RGMA: variants seen among roughly 807,000 people sequenced by gnomAD.
The protein encoded by RGMA is repulsive guidance molecule A.
RGMA carries 10 observed loss-of-function variants against 23.2 expected under a neutral mutation model. The ratio of observed to expected loss-of-function variants is 0.43; its 90% CI spans 0.27 to 0.73. The LOEUF (loss-of-function observed/expected upper bound fraction) is 0.73, where lower values mean the gene tolerates loss of function less well. Ranked by LOEUF, RGMA falls within the 30% of genes least tolerant of loss-of-function variation. The pLI is 0.20. For missense variants in RGMA, 547 were observed against 630.5 expected, an observed-to-expected ratio of 0.87 and a Z score of 1.42; for synonymous variants, 308 against 279.3, an observed-to-expected ratio of 1.10 and a Z score of -1.03.
At chr15:93,061,738 A>G (rs1894973046) in intron 2 of RGMA, among the ~76,000 whole-genome samples, 1 of 152,266 alleles carries the variant, frequency 6.6e-6, no homozygotes. Flanking sequence ...CAACGCTGGC[A>G]GGATGAAAAT....
At chr15:93,088,236 C>T in intron 1 of RGMA, 1 of 915,436 alleles carries the variant, frequency 1.1e-6, no homozygotes, top group Non-Finnish European at 1.3e-6. Context: ...CCCCCACACC[C>T]GCCCTCCCAT....
Position 93,045,606 on chromosome 15 carries a change from T to C in RGMA, c.745A>G (p.Asn249Asp), listed in dbSNP as rs745670589. The C allele has an allele frequency of 1.2e-6, 2 of 1,613,234 alleles. No homozygotes were observed. The highest frequency in any genetic ancestry group is 1.7e-6 in the Non-Finnish European group (2 of 1,179,868). ...LPAAFVDGSK[N>D]GGDKHGANSL... is the part of the protein sequence containing the mutation. ...TTGGCCCCGTGCTTGTCCCCACCGT[T>C]CTTAGAGCCATCCACGAAGGCGGCC... Residue 249 changes from asparagine to aspartate, a missense_variant, in exon 4 of 4, where the codon AAC becomes GAC. By Grantham distance (23) the Asn-to-Asp change is conservative. Around this residue, in one of 3 missense-constraint regions of RGMA, gnomAD observed 128 missense variants for 191.7 expected, o/e 0.67. Coordinates refer to ENST00000329082, the MANE Select transcript of RGMA (RefSeq NM_020211.3). The surrounding 1 kb of genome is among the most constrained non-coding windows in gnomAD (Gnocchi z 6.9).
chr15:93,066,749 G>T, intron 2 of RGMA: 2 of 327,182 alleles, frequency 6.1e-6, no homozygotes, highest in Non-Finnish European at 1.2e-5. Flanking sequence ...CTGACCTCAA[G>T]TGATCCACCC....
chr15:93,063,236 A>C (rs575286499), intron 2 of RGMA, among the ~76,000 whole-genome samples: 138 of 152,346 alleles, frequency 9.1e-4, no homozygotes, highest in African/African-American at 3.1e-3. Flanking sequence ...CTGTCCACCT[A>C]GCCTGAGCGG....
At chr15:93,066,143 C>T (rs1372448297) in intron 2 of RGMA, 17 of 1,354,262 alleles carry the variant, frequency 1.3e-5, no homozygotes, top group South Asian at 5.9e-5. Context: ...GGCACCTCCC[C>T]GGGCCCAGTT....
chr15:93,073,689 T>G, intron 1 of RGMA: 1 of 1,537,210 alleles, frequency 6.5e-7, no homozygotes, highest in Non-Finnish European at 8.7e-7. Context: ...CTGGGCAGGA[T>G]GGCTCTCTGC....
intron 2 of RGMA, among the ~76,000 whole-genome samples, chr15:93,071,690 C>T (rs905070071): frequency 2.6e-5 from 4 of 152,240 alleles, no homozygotes; most frequent in Non-Finnish European, 5.9e-5. Context: ...AACTCACAGC[C>T]AGGCCGAGCC....
At chr15:93,075,756 T>C (rs561820421) in intron 1 of RGMA, among the ~76,000 whole-genome samples, 2 of 152,224 alleles carry the variant, frequency 1.3e-5, no homozygotes, top group South Asian at 4.1e-4. Context: ...CTGGCTGCCT[T>C]TTTAGGAGGA....
At chr15:93,056,096 C>T (rs2055008569) in intron 2 of RGMA, among the ~76,000 whole-genome samples, 1 of 152,208 alleles carries the variant, frequency 6.6e-6, no homozygotes, top group South Asian at 2.1e-4. Context: ...AGGGGTTCTG[C>T]AATTCTACCA....
chr15:93,057,080 G>A (rs374789820), intron 2 of RGMA, among the ~76,000 whole-genome samples: 1 of 152,140 alleles, frequency 6.6e-6, no homozygotes, highest in African/African-American at 2.4e-5. Flanking sequence ...CTCTCAGGGC[G>A]CAGTGGATTC....
At chr15:93,069,389 C>T (rs1360921544) in intron 2 of RGMA, among the ~76,000 whole-genome samples, 2 of 152,184 alleles carry the variant, frequency 1.3e-5, no homozygotes, top group East Asian at 3.9e-4. Context: ...GGGTTACGGG[C>T]GTGAGCCACC....
Position 93,044,282 on chromosome 15 carries a change from G to C in RGMA, c.*716C>G, listed in dbSNP as rs1169235148. The C allele has an allele frequency of 1.3e-5, 2 of 152,590 alleles. No homozygotes were observed. The highest frequency in any genetic ancestry group is 6.5e-5 in the Admixed American group (1 of 15,296). The allele number at this position is 152,590 out of a possible 1,614,324, so 9.5% of individuals were successfully genotyped here. On this transcript the variant is annotated 3_prime_UTR_variant, in exon 4 of 4. Transcript: ENST00000329082. Reference sequence around the variant, plus strand: ...CAAGCACTTCGACTTTCTAAGCACAGGGTGGAAGGGGCAGGGGCCCAGGCC... The same window carrying C: ...CAAGCACTTCGACTTTCTAAGCACACGGTGGAAGGGGCAGGGGCCCAGGCC...
At chr15:93,073,706 GCTA>G in intron 1 of RGMA, 1 of 1,537,226 alleles carries the variant, frequency 6.5e-7, no homozygotes, top group Non-Finnish European at 8.7e-7. Flanking sequence ...CTGCATCTCA[GCTA>G]CTAACGCACC....
At chr15:93,085,206 T>A (rs1190794640) in intron 1 of RGMA, among the ~76,000 whole-genome samples, 1 of 151,940 alleles carries the variant, frequency 6.6e-6, no homozygotes, top group Non-Finnish European at 1.5e-5. Context: ...ACCCTGATCT[T>A]AAGAGTCCAT....
chr15:93,079,861 G>A (rs1473459796), intron 1 of RGMA, among the ~76,000 whole-genome samples: 3 of 152,122 alleles, frequency 2.0e-5, no homozygotes, highest in Non-Finnish European at 4.4e-5. Flanking sequence ...CTCCCCTTGT[G>A]GGCGGGAGGT....
intron 2 of RGMA, among the ~76,000 whole-genome samples, chr15:93,059,804 A>G (rs186490014): frequency 1.3e-5 from 2 of 152,340 alleles, no homozygotes; most frequent in African/African-American, 4.8e-5. Context: ...TCACCTGCCA[A>G]AGAGATCTCA....
intron 2 of RGMA, among the ~76,000 whole-genome samples, chr15:93,072,093 T>C (rs1471418660): frequency 6.6e-6 from 1 of 152,210 alleles, no homozygotes; most frequent in East Asian, 1.9e-4. Flanking sequence ...GGATTTAAGT[T>C]GCATGCCTCC....
rs1895690111 is a variant in RGMA, at chr15:93,089,001, C to G, written c.-69G>C. ...GAGAAGAGGGGGTGTCGGGGCGCCG[C>G]TCGTCTGCCCCGGGGCAAGGTGGGA... is the stretch of plus-strand genomic sequence containing the variant. On this transcript the variant is annotated 5_prime_UTR_variant, in exon 1 of 4. Coordinates refer to ENST00000329082, the MANE Select transcript of RGMA (RefSeq NM_020211.3). 5 of 1,099,278 alleles carry G rather than the reference C, an allele frequency of 4.5e-6. No homozygotes were observed. Among genetic ancestry groups the G allele is most frequent in the Non-Finnish European group, 6.0e-6 (5 of 829,366 alleles). 68.1% of individuals were successfully genotyped at this position (1,099,278 alleles called of 1,614,324 possible). A position where few individuals can be genotyped will look rare whatever the true frequency, so the allele number is the denominator to read the frequency against.
Position 93,044,925 on chromosome 15 carries a change from C to G in RGMA, c.*73G>C. 7.8e-7 allele frequency: 1 copy of G among 1,285,458 alleles called. No homozygotes were observed. The highest frequency in any genetic ancestry group is 1.1e-6 in the Non-Finnish European group (1 of 932,522). The allele number at this position is 1,285,458 out of a possible 1,614,324, so 79.6% of individuals were successfully genotyped here. Reference sequence around the variant, plus strand: ...GTGGACACGCCAGGAGATCTGCACCCCGTGGGCGGTCCCAGCCCACACATG... The same window carrying G: ...GTGGACACGCCAGGAGATCTGCACCGCGTGGGCGGTCCCAGCCCACACATG... On this transcript the variant is annotated 3_prime_UTR_variant, in exon 4 of 4. Transcript: ENST00000329082.
Sources: gnomAD v4.1 joint callset for allele counts (sites outside exome capture counted in the v4.1 genomes callset) on GRCh38, gnomAD v4.1.1 for gene constraint, gnomAD v4.1.1 regional missense constraint, Gnocchi (gnomAD v3.1) non-coding constraint, MANE v1.5 for transcripts, NCBI Gene and HGNC (gene_info 2026-07-23, HGNC 2026-07-21) for gene names.